The following ZAN variants were observed in gnomAD, a reference collection of about 807,000 sequenced individuals.
ZAN encodes the protein zonadhesin.
In ZAN, 260 loss-of-function variants were observed where a neutral mutation model predicts 286.2. The observed-to-expected ratio is 0.91, with a 90% CI of 0.82 to 1.01. The LOEUF (loss-of-function observed/expected upper bound fraction) is 1.01. Ranked by LOEUF, ZAN falls within the 50% of genes least tolerant of loss-of-function variation. The probability of loss-of-function intolerance (pLI) is 0.00; values close to 1 mark genes in which losing one functional copy is unlikely to be tolerated. For missense variants in ZAN, 3,410 were observed against 3,639.2 expected, an observed-to-expected ratio of 0.94 and a Z score of 1.62; for synonymous variants, 1,368 against 1,417.5, an observed-to-expected ratio of 0.97 and a Z score of 0.79.
chr7:100,772,637 C>A (rs557027738), intron 29 of ZAN, among the ~76,000 whole-genome samples: 8 of 151,436 alleles, frequency 5.3e-5, no homozygotes, highest in African/African-American at 1.9e-4. Flanking sequence ...CTGGCTAACA[C>A]GGAGAAACCC....
At chr7:100,793,549 T>A (rs1288874387) in intron 42 of ZAN, among the ~76,000 whole-genome samples, 1 of 151,812 alleles carries the variant, frequency 6.6e-6, no homozygotes, top group East Asian at 1.9e-4. Context: ...AAGCGATTCT[T>A]GTCTCAGCCT....
intron 39 of ZAN, 119 bp downstream of exon 39, chr7:100,789,466 C>T: frequency 2.7e-6 from 4 of 1,477,628 alleles, no homozygotes; most frequent in Non-Finnish European, 3.6e-6. Context: ...GGGCACCCAG[C>T]TTCAGAGGAG....
At position 100,755,313 on chromosome 7, in the gene ZAN, G is replaced by A. The variant is rs372185194; in HGVS notation, c.3212G>A (p.Arg1071Gln). The change falls in exon 15 of 48, where the codon CGG (arginine) becomes CAG (glutamine). Residue 1071 changes from arginine (R) to glutamine (Q), a missense_variant. Around this residue, in one of 7 missense-constraint regions of ZAN, gnomAD observed 1,042 missense variants for 1,058.0 expected, o/e 0.98. Transcript: ENST00000613979. ...AGGCCTAGCTGTGGGCCCCTCTGTC[G>A]GGAGGGCTGTGTCTGCAACCCTGGC... ...SPRPSCGPLC[R>Q]EGCVCNPGFL... is the part of the protein sequence containing the mutation. 2.0e-5 allele frequency: 32 copies of A among 1,613,738 alleles called. No individual in the cohort carries two copies. Among genetic ancestry groups the A allele is most frequent in the South Asian group, 2.2e-5 (2 of 91,086 alleles).
At position 100,773,726 on chromosome 7, in the gene ZAN, G is replaced by T; in HGVS notation, c.5640G>T (p.Gly1880=). ...CTGATCCCTGTGGCCCACAGGTCGG[G>T]GAGCGCTGGTACACAGAGAACACCT... ...TDPAGSYHPV[G]ERWYTENTCT... The change falls in exon 31 of 48, where the codon GGG becomes GGT. Residue 1880 remains glycine (G), a synonymous_variant. Coordinates refer to ENST00000613979, the MANE Select transcript of ZAN (RefSeq NM_003386.3). 6.2e-7 allele frequency: 1 copy of T among 1,608,994 alleles called. No individual in the cohort carries two copies. The highest frequency in any genetic ancestry group is 1.1e-5 in the South Asian group (1 of 90,026).
intron 7 of ZAN, among the ~76,000 whole-genome samples, chr7:100,743,810 G>A (rs530190444): frequency 6.6e-6 from 1 of 151,634 alleles, no homozygotes; most frequent in Admixed American, 6.6e-5. Flanking sequence ...CTGGGAGGTG[G>A]AGGTGGCAGT....
chr7:100,773,620 C>T (rs932865832), intron 30 of ZAN, 101 bp from the exon 31 acceptor site: 132 of 1,537,960 alleles, frequency 8.6e-5, no homozygotes, highest in Non-Finnish European at 1.0e-4. Flanking sequence ...GGCTGGGGGG[C>T]GAGGAGGAAG....
At chr7:100,793,399 G>A (rs1052425044) in intron 42 of ZAN, among the ~76,000 whole-genome samples, 4 of 152,056 alleles carry the variant, frequency 2.6e-5, no homozygotes, top group African/African-American at 4.8e-5. Context: ...GCTGCAACAC[G>A]TTCTAGCTTC....
intron 37 of ZAN, 110 bp from the exon 38 acceptor site, chr7:100,787,779 C>G (rs1011402079): frequency 1.6e-6 from 2 of 1,230,732 alleles, no homozygotes; most frequent in Admixed American, 7.0e-5. Context: ...CCAGGCTGGT[C>G]TCAAACTCCT....
At position 100,788,087 on chromosome 7, in the gene ZAN, C is replaced by G; in HGVS notation, c.7178C>G (p.Thr2393Ser). ...TCCATCTTCTTGCAGGAAGTGATTA[C>G]CACCGTCTACGGCTATAAAGTGCAG... ...RSSIFLQEVI[T>S]TVYGYKVQLQ... The change falls in exon 38 of 48, where the codon ACC becomes AGC. Residue 2393 changes from threonine to serine, a missense_variant. By Grantham distance (58) the Thr-to-Ser change is moderately conservative. Transcript: ENST00000613979. 6.3e-7 allele frequency: 1 copy of G among 1,575,924 alleles called. No individual in the cohort carries two copies. The highest frequency in any genetic ancestry group is 2.2e-5 in the East Asian group (1 of 44,676).
chr7:100,773,343 C>T lies in ZAN; in HGVS notation c.5484C>T (p.Thr1828=). 1 of 1,614,006 alleles carries T rather than the reference C, an allele frequency of 6.2e-7. No homozygotes were observed. The highest frequency in any genetic ancestry group is 8.5e-7 in the Non-Finnish European group (1 of 1,179,902). ...CCTGCAGCAGCCCCTGCCCAGACAC[C>T]TGCAGCAGCATAAACAACCCGAGGG... ...YSPCSSPCPD[T]CSSINNPRDC... The change falls in exon 30 of 48, where the codon ACC becomes ACT. Residue 1828 remains threonine (T), a synonymous_variant. Coordinates refer to ENST00000613979, the MANE Select transcript of ZAN (RefSeq NM_003386.3).
intron 14 of ZAN, among the ~76,000 whole-genome samples, chr7:100,754,386 G>A (rs1011472376): frequency 2.6e-5 from 4 of 151,992 alleles, no homozygotes; most frequent in African/African-American, 9.7e-5. Context: ...GTGAACCCGG[G>A]AGGCAGAGCT....
Position 100,758,321 on chromosome 7 carries a change from C to G in ZAN, c.3429C>G (p.Gly1143=). ...ACACCGTGTGCCAGCTTAAGAATGGCCAGTATGGATGCCACCCCTACGGTG... is the reference window on the plus strand; with the variant it reads ...ACACCGTGTGCCAGCTTAAGAATGGGCAGTATGGATGCCACCCCTACGGTG... ...GTHTVCQLKN[G]QYGCHPYAGT... is the part of the protein sequence containing the mutation. The change falls in exon 16 of 48, where the codon GGC becomes GGG. Residue 1143 remains glycine (G), a synonymous_variant. Coordinates refer to ENST00000613979, the MANE Select transcript of ZAN (RefSeq NM_003386.3). 1 of 1,613,108 alleles carries G rather than the reference C, an allele frequency of 6.2e-7. No individual in the cohort carries two copies. Among genetic ancestry groups the G allele is most frequent in the Non-Finnish European group, 8.5e-7 (1 of 1,179,814 alleles).
chr7:100,758,700 C>T lies in ZAN; in HGVS notation c.3571+50C>T, dbSNP rs754435980. The T allele has an allele frequency of 3.8e-5, 59 of 1,538,908 alleles. 1 individual carries two copies. In the Admixed American group the frequency reaches 6.7e-4, roughly 17 times the overall value. On this transcript the variant is annotated intron_variant, in intron 17 of 47. Transcript: ENST00000613979. ...GCCTGGGGGGAGGGTCTGTGGGCAG[C>T]GCTGCTAGGCATGGGGCATGGTGGG... is the stretch of plus-strand genomic sequence containing the variant.
At chr7:100,793,670 T>TCAGGTGATCCACCTGCCTC in intron 42 of ZAN, 150 bp from the exon 43 acceptor site, 1 of 757,978 alleles carries the variant, frequency 1.3e-6, no homozygotes. Context: ...ACTCCTGACT[T>TCAGGTGATCCACCTGCCTC]CAGGTGATCC....
At chr7:100,791,667 A>G (rs1158950707) in intron 40 of ZAN, among the ~76,000 whole-genome samples, 4 of 152,292 alleles carry the variant, frequency 2.6e-5, no homozygotes, top group African/African-American at 9.6e-5. Flanking sequence ...TAGGCCTCCC[A>G]AAGTGCTGGG....
intron 31 of ZAN, among the ~76,000 whole-genome samples, chr7:100,774,971 G>C (rs552002555): frequency 5.3e-4 from 80 of 152,038 alleles, no homozygotes; most frequent in Non-Finnish European, 9.0e-4. Context: ...TCTGTTGCCT[G>C]GGCTGGAGTG....
chr7:100,760,390 G>T lies in ZAN; in HGVS notation c.3697-1G>T, dbSNP rs749279627. On this transcript the variant is annotated splice_acceptor_variant, in intron 18 of 47. Transcript: ENST00000613979. LOFTEE classifies it high-confidence loss of function. ...TCTCTTGCCTCTGCCCTGCCTTCCA[G>T]GTTGGGGGTCAGCAAGTTACTCTCC... is the stretch of plus-strand genomic sequence containing the variant. 8.1e-6 allele frequency: 13 copies of T among 1,613,582 alleles called. No individual in the cohort carries two copies. The East Asian group carries it at 2.9e-4, about 36-fold the overall frequency.
rs113831315 is a variant in ZAN at position 100,770,256 on chromosome 7, G to A, written c.5248+282G>A. Reference sequence around the variant, plus strand: ...GCAGTGGCTCATGCCTGTAATCCCAGTACTTTGGGAGGCCGAGGAGGGCAG... The same window carrying A: ...GCAGTGGCTCATGCCTGTAATCCCAATACTTTGGGAGGCCGAGGAGGGCAG... On this transcript the variant is annotated intron_variant, in intron 28 of 47. Transcript: ENST00000613979. 2.4e-3 allele frequency among the ~76,000 whole-genome samples: 368 copies of A among 151,680 alleles called. 2 individuals are homozygous for A. The highest frequency in any genetic ancestry group is 8.6e-3 in the African/African-American group (355 of 41,380).
intron 27 of ZAN, among the ~76,000 whole-genome samples, chr7:100,769,054 C>A (rs1298726712): frequency 2.0e-5 from 3 of 151,876 alleles, no homozygotes; most frequent in African/African-American, 7.2e-5. Context: ...GTCCTCTTCT[C>A]CTGTATCCCT....
Sources: gnomAD v4.1 joint callset for allele counts (sites outside exome capture counted in the v4.1 genomes callset) on GRCh38, gnomAD v4.1.1 for gene constraint, gnomAD v4.1.1 regional missense constraint, MANE v1.5 for transcripts, NCBI Gene and HGNC (gene_info 2026-07-23, HGNC 2026-07-21) for gene names.